The following PHACTR1 variants were observed in gnomAD, a reference collection of about 807,000 sequenced individuals.
PHACTR1 encodes phosphatase and actin regulator 1, also known as RPEL repeat containing 1.
In PHACTR1, 16 loss-of-function variants were observed where a neutral mutation model predicts 69.2. The observed-to-expected ratio is 0.23, with a 90% CI of 0.16 to 0.35. The LOEUF is 0.35. Among genes scored for constraint, PHACTR1 ranks in the 10% least tolerant of loss-of-function variants. The probability of loss-of-function intolerance (pLI) is 1.00; values close to 1 mark genes in which losing one functional copy is unlikely to be tolerated. For missense variants in PHACTR1, 510 were observed against 734.7 expected (o/e 0.69, Z 3.54); for synonymous variants, 312 against 284.5 (o/e 1.10, Z -0.97).
intron 10 of PHACTR1, among the ~76,000 whole-genome samples, chr6:13,242,060 T>C (rs907627118): frequency 7.4e-6 from 1 of 135,426 alleles, no homozygotes; most frequent in African/African-American, 2.8e-5. Flanking sequence ...AAAAAAGGAA[T>C]AAGTAATGCT....
chr6:13,038,951 C>T (rs1044550101), intron 4 of PHACTR1, among the ~76,000 whole-genome samples: 4 of 152,118 alleles, frequency 2.6e-5, no homozygotes, highest in Non-Finnish European at 4.4e-5. Flanking sequence ...AAAGAAATGG[C>T]ATATCTCTTA....
At chr6:13,158,694 T>C (rs1194575170) in intron 5 of PHACTR1, among the ~76,000 whole-genome samples, 2 of 152,220 alleles carry the variant, frequency 1.3e-5, no homozygotes, top group Non-Finnish European at 2.9e-5. Flanking sequence ...GAAATTGGAA[T>C]GGCTGGGCTG....
chr6:12,803,245 A>G (rs1014299369), intron 4 of PHACTR1, among the ~76,000 whole-genome samples: 1 of 152,138 alleles, frequency 6.6e-6, no homozygotes, highest in Non-Finnish European at 1.5e-5. Flanking sequence ...TAATTCACAG[A>G]TCTCTGGCAC....
chr6:12,860,614 C>T (rs1561953943), intron 4 of PHACTR1, among the ~76,000 whole-genome samples: 1 of 152,220 alleles, frequency 6.6e-6, no homozygotes, highest in Admixed American at 6.5e-5. Flanking sequence ...CTCCCACCAA[C>T]AGTGTAAAAG....
chr6:13,069,418 A>T (rs1044514878), intron 5 of PHACTR1, among the ~76,000 whole-genome samples: 3 of 152,086 alleles, frequency 2.0e-5, no homozygotes. Flanking sequence ...CCATGCCACC[A>T]GGTCTAGTGC....
chr6:13,023,539 A>T (rs1236199298), intron 4 of PHACTR1, among the ~76,000 whole-genome samples: 2 of 152,162 alleles, frequency 1.3e-5, no homozygotes, highest in African/African-American at 4.8e-5. Context: ...TCTTGGGGGG[A>T]AAAAGTTCCC....
intron 4 of PHACTR1, among the ~76,000 whole-genome samples, chr6:12,799,996 GC>G (rs1328637415): frequency 1.3e-5 from 2 of 152,122 alleles, no homozygotes; most frequent in Non-Finnish European, 2.9e-5. Context: ...CTGTGTGATA[GC>G]TTTTCATTAT....
intron 4 of PHACTR1, among the ~76,000 whole-genome samples, chr6:12,937,816 C>A (rs1041827295): frequency 6.6e-6 from 1 of 152,138 alleles, no homozygotes; most frequent in Admixed American, 6.5e-5. Context: ...AAAACAGAAT[C>A]CTGGCTGGGC....
At chr6:12,990,493 G>A (rs1033515031) in intron 4 of PHACTR1, among the ~76,000 whole-genome samples, 6 of 152,260 alleles carry the variant, frequency 3.9e-5, no homozygotes. Context: ...ACAAGAGGGA[G>A]CACACAGGAT....
intron 4 of PHACTR1, among the ~76,000 whole-genome samples, chr6:12,890,626 C>T (rs893889040): frequency 7.9e-5 from 12 of 152,274 alleles, no homozygotes; most frequent in African/African-American, 1.9e-4. Flanking sequence ...TTGCTCTAGG[C>T]GTTCGGTTTC....
At chr6:13,065,235 A>G (rs1280918204) in intron 5 of PHACTR1, among the ~76,000 whole-genome samples, 1 of 152,126 alleles carries the variant, frequency 6.6e-6, no homozygotes, top group Non-Finnish European at 1.5e-5. Context: ...AAAACTCCAA[A>G]GAGAGAAAGT....
chr6:13,270,134 CTT>C (rs1313987085), intron 10 of PHACTR1, among the ~76,000 whole-genome samples: 1 of 152,242 alleles, frequency 6.6e-6, no homozygotes, highest in African/African-American at 2.4e-5. Flanking sequence ...ACAACTCCCT[CTT>C]TGTGTTCAAA....
At chr6:13,145,912 AG>A (rs1823276293) in intron 5 of PHACTR1, among the ~76,000 whole-genome samples, 1 of 152,236 alleles carries the variant, frequency 6.6e-6, no homozygotes, top group Non-Finnish European at 1.5e-5. Flanking sequence ...TCTGCCTAGG[AG>A]AGAGCAAAAT....
At chr6:12,721,621 G>A (rs1762141342) in intron 3 of PHACTR1, among the ~76,000 whole-genome samples, 1 of 152,110 alleles carries the variant, frequency 6.6e-6, no homozygotes, top group Admixed American at 6.5e-5. Context: ...AAAGATGAGA[G>A]TCCCTCTCCC....
intron 5 of PHACTR1, among the ~76,000 whole-genome samples, chr6:13,139,459 T>C (rs1365484175): frequency 6.6e-6 from 1 of 152,154 alleles, no homozygotes; most frequent in Admixed American, 6.5e-5. Context: ...TCCGTTGTAT[T>C]TATATTTTCT....
intron 4 of PHACTR1, among the ~76,000 whole-genome samples, chr6:12,860,554 T>A (rs1780837310): frequency 6.6e-6 from 1 of 152,284 alleles, no homozygotes; most frequent in East Asian, 1.9e-4. Context: ...TGGTGCTAGA[T>A]CCTTGAAGAA....
At chr6:13,129,855 AT>A (rs35786842) in intron 5 of PHACTR1, among the ~76,000 whole-genome samples, 8 of 151,812 alleles carry the variant, frequency 5.3e-5, no homozygotes, top group Admixed American at 2.0e-4. Context: ...TAGAATATAC[AT>A]TTTTTTTAAT....
chr6:12,784,791 C>T (rs2327617), intron 4 of PHACTR1, among the ~76,000 whole-genome samples: 56,350 of 151,488 alleles, frequency 0.37, 11,268 homozygotes, highest in African/African-American at 0.5. Context: ...CTTGGCTCAC[C>T]GCAACCTCCA....
Position 13,231,098 on chromosome 6 carries a change from G to A in PHACTR1, c.1391+905G>A, listed in dbSNP as rs1165683631. On this transcript the variant is annotated intron_variant, in intron 10 of 14. Coordinates refer to ENST00000332995, the MANE Select transcript of PHACTR1 (RefSeq NM_030948.6). ...AAGGAAGGAAGGAAGAAGGAAGGAA[G>A]GGAAAAGAAAGAAGGAAAGAGAGAA... 6.3e-5 allele frequency among the ~76,000 whole-genome samples: 3 copies of A among 47,738 alleles called. 1 individual carries two copies. Among genetic ancestry groups the A allele is most frequent in the African/African-American group, 2.1e-4 (3 of 14,430 alleles). 31.3% of individuals were successfully genotyped at this position (47,738 alleles called of 152,430 possible). A position where few individuals can be genotyped will look rare whatever the true frequency, so the allele number is the denominator to read the frequency against.
Sources: allele counts gnomAD v4.1 joint callset (sites outside exome capture counted in the v4.1 genomes callset), GRCh38; gene constraint gnomAD v4.1.1; transcripts MANE v1.5; gene names NCBI Gene and HGNC (gene_info 2026-07-23, HGNC 2026-07-21).